Variants in CEP128 observed in about 807,000 individuals in gnomAD.
CEP128 encodes centrosomal protein 128.
CEP128 carries 132 observed loss-of-function variants against 156.7 expected under a neutral mutation model. The observed-to-expected ratio is 0.84, with a 90% CI of 0.73 to 0.97. The LOEUF (loss-of-function observed/expected upper bound fraction) is 0.97, where lower values mean the gene tolerates loss of function less well. Ranked by LOEUF, CEP128 falls within the 50% of genes least tolerant of loss-of-function variation. The probability of loss-of-function intolerance (pLI) is 0.00; values close to 1 mark genes in which losing one functional copy is unlikely to be tolerated. For synonymous variants in CEP128, 469 were observed against 448.9 expected (o/e 1.04, Z -0.57); for missense variants, 1,252 against 1,281.9 (o/e 0.98, Z 0.36).
At chr14:80,938,661 T>A (rs1187928210) in intron 2 of CEP128, among the ~76,000 whole-genome samples, 3 of 152,202 alleles carry the variant, frequency 2.0e-5, no homozygotes, top group African/African-American at 7.2e-5. Context: ...TACATCTATG[T>A]TGTAAATTTA....
intron 13 of CEP128, among the ~76,000 whole-genome samples, chr14:80,813,697 A>G (rs1351600530): frequency 1.3e-5 from 2 of 152,178 alleles, no homozygotes; most frequent in Non-Finnish European, 2.9e-5. Flanking sequence ...ATATTAACAC[A>G]ATACACACTT....
Position 80,697,163 on chromosome 14 carries a change from TA to T in CEP128, c.2806+45911del, listed in dbSNP as rs1041208279. Among the ~76,000 whole-genome samples the T allele has an allele frequency of 1.1e-3, 162 of 151,280 alleles. 1 individual carries two copies. The highest frequency in any genetic ancestry group is 3.4e-3 in the Middle Eastern group (1 of 294). ...TGTTAGCAACTGAAATTTAAGAAAT[TA>T]AAAAAAAAGTTTTCTAAACATTAAA... On this transcript the variant is annotated intron_variant, in intron 19 of 24. Transcript: ENST00000555265.
At chr14:80,758,383 G>A (rs1318303931) in intron 17 of CEP128, among the ~76,000 whole-genome samples, 11 of 152,146 alleles carry the variant, frequency 7.2e-5, no homozygotes, top group Middle Eastern at 3.4e-3. Context: ...TTAGCCGGGC[G>A]TGGTGGCGCA....
At chr14:80,948,524 G>T (rs1281929660) in intron 2 of CEP128, among the ~76,000 whole-genome samples, 1 of 152,176 alleles carries the variant, frequency 6.6e-6, no homozygotes, top group Non-Finnish European at 1.5e-5. Flanking sequence ...CAATAAAGAG[G>T]TTATGGAAAG....
intron 9 of CEP128, among the ~76,000 whole-genome samples, chr14:80,858,099 G>T (rs1023809041): frequency 6.6e-6 from 1 of 152,018 alleles, no homozygotes; most frequent in Non-Finnish European, 1.5e-5. Flanking sequence ...TCAGTCCTAA[G>T]CCAAAAGAAC....
rs989221089 is a variant in CEP128, at chr14:80,743,089, T to A, written c.2792A>T (p.His931Leu). 2 of 1,613,238 alleles carry A rather than the reference T, an allele frequency of 1.2e-6. No homozygotes were observed. The highest frequency in any genetic ancestry group is 2.7e-5 in the African/African-American group (2 of 74,882). ...CTAACACACACCTCTCTTCTCACGA[T>A]GTATTTCATCCAGAAGCTGCTCCTG... ...ERQEQLLDEI[H>L]REKRDLLEET... The change falls in exon 19 of 25, where the codon CAT becomes CTT. Residue 931 changes from histidine to leucine, a missense_variant. His to Leu is a moderately conservative substitution (Grantham distance 99). Coordinates refer to ENST00000555265, the MANE Select transcript of CEP128 (RefSeq NM_152446.5).
intron 19 of CEP128, among the ~76,000 whole-genome samples, chr14:80,650,549 CG>C (rs985255537): frequency 1.3e-5 from 2 of 151,934 alleles, no homozygotes; most frequent in Non-Finnish European, 2.9e-5. Context: ...ATATTGGCTG[CG>C]GGTGTGTCAT....
At chr14:80,849,750 A>G (rs1566669371) in intron 9 of CEP128, among the ~76,000 whole-genome samples, 1 of 152,152 alleles carries the variant, frequency 6.6e-6, no homozygotes, top group East Asian at 1.9e-4. Context: ...GGCAAAGGAT[A>G]ATCTATCTGT....
At chr14:80,592,874 T>G (rs1355880310) in intron 19 of CEP128, among the ~76,000 whole-genome samples, 1 of 152,094 alleles carries the variant, frequency 6.6e-6, no homozygotes, top group East Asian at 1.9e-4. Context: ...GTAATCATTA[T>G]GTAAATAGAA....
At chr14:80,899,728 C>T (rs778572917) in intron 7 of CEP128, among the ~76,000 whole-genome samples, 4 of 152,208 alleles carry the variant, frequency 2.6e-5, no homozygotes, top group African/African-American at 2.4e-5. Context: ...TAAGTTAAAG[C>T]GTTTTTAGAA....
At chr14:80,794,195 A>G (rs1156337518) in intron 13 of CEP128, among the ~76,000 whole-genome samples, 1 of 152,218 alleles carries the variant, frequency 6.6e-6, no homozygotes, top group African/African-American at 2.4e-5. Flanking sequence ...AAATGAAACT[A>G]GAAACATTTA....
chr14:80,661,874 C>G (rs10220315), intron 19 of CEP128, among the ~76,000 whole-genome samples: 67,116 of 151,898 alleles, frequency 0.44, 16,068 homozygotes, highest in East Asian at 0.65. Flanking sequence ...TGCAAAGTGT[C>G]TTGTGGAGGG....
chr14:80,579,062 C>T (rs991760339), intron 20 of CEP128, among the ~76,000 whole-genome samples: 2 of 152,132 alleles, frequency 1.3e-5, no homozygotes, highest in African/African-American at 4.8e-5. Flanking sequence ...CTAGTTCCAA[C>T]ATTTGCACTG....
rs369896159 is a variant in CEP128, at chr14:80,547,797, A to AT, written c.2880+11481dup. Among the ~76,000 whole-genome samples the AT allele has an allele frequency of 6.3e-3, 891 of 141,184 alleles. 1 individual carries two copies. Among genetic ancestry groups the AT allele is most frequent in the Non-Finnish European group, 7.7e-3 (504 of 65,034 alleles). The allele number at this position is 141,184 out of a possible 152,430, so 92.6% of individuals were successfully genotyped here. On this transcript the variant is annotated intron_variant, in intron 21 of 24. Transcript: ENST00000555265. ...AGACAAAAGCCTACAAGGGAGAGGA[A>AT]TTTTTTTTTTTTTTTTTTGAGACGG... is the stretch of plus-strand genomic sequence containing the variant.
chr14:80,628,234 T>C (rs933651888), intron 19 of CEP128, among the ~76,000 whole-genome samples: 1 of 152,212 alleles, frequency 6.6e-6, no homozygotes, highest in African/African-American at 2.4e-5. Flanking sequence ...TTATCCTAAA[T>C]AGTGAAATGT....
intron 20 of CEP128, among the ~76,000 whole-genome samples, chr14:80,579,674 CT>C (rs1224538743): frequency 1.3e-5 from 2 of 152,194 alleles, no homozygotes; most frequent in Non-Finnish European, 2.9e-5. Context: ...AAAGTATTTA[CT>C]GTTCTTAGTC....
chr14:80,838,792 T>C (rs528760212), intron 10 of CEP128, among the ~76,000 whole-genome samples: 1 of 152,334 alleles, frequency 6.6e-6, no homozygotes, highest in East Asian at 1.9e-4. Context: ...AAGACATTCC[T>C]TAAATTTTTA....
chr14:80,815,305 T>C (rs1304985350), intron 13 of CEP128, among the ~76,000 whole-genome samples: 1 of 152,072 alleles, frequency 6.6e-6, no homozygotes, highest in East Asian at 1.9e-4. Context: ...CCAACAAGCA[T>C]ATGAAAAAAT....
chr14:80,860,143 C>T (rs1177599976), intron 9 of CEP128, among the ~76,000 whole-genome samples: 1 of 152,160 alleles, frequency 6.6e-6, no homozygotes, highest in African/African-American at 2.4e-5. Flanking sequence ...AGTGTTTCCT[C>T]TCCTTAAACA....
Sources: gnomAD v4.1 joint callset for allele counts (sites outside exome capture counted in the v4.1 genomes callset) on GRCh38, gnomAD v4.1.1 for gene constraint, MANE v1.5 for transcripts, NCBI Gene and HGNC (gene_info 2026-07-23, HGNC 2026-07-21) for gene names.